Variants in HIVEP2 observed in about 807,000 individuals in gnomAD.
HIVEP2 encodes transcription factor HIVEP2.
Under a neutral mutation model 180.7 loss-of-function variants are expected in HIVEP2, and 14 were observed. The ratio of observed to expected loss-of-function variants is 0.08; its 90% confidence interval spans 0.05 to 0.12. The LOEUF (loss-of-function observed/expected upper bound fraction) is 0.12. Among genes scored for constraint, HIVEP2 ranks in the 10% least tolerant of loss-of-function variants. The pLI is 1.00. For missense variants in HIVEP2, 2,579 were observed against 3,008.5 expected, an observed-to-expected ratio of 0.86 and a Z score of 3.34; for synonymous variants, 1,184 against 1,136.4, an observed-to-expected ratio of 1.04 and a Z score of -0.84.
chr6:142,829,408 A>T (rs1241481384), intron 2 of HIVEP2, among the ~76,000 whole-genome samples: 1 of 152,208 alleles, frequency 6.6e-6, no homozygotes, highest in African/African-American at 2.4e-5. Flanking sequence ...AGCTGTCCTC[A>T]GGAAATACTT....
Position 142,771,568 on chromosome 6 carries a change from G to A in HIVEP2, c.3171C>T (p.Ser1057=). Residue 1057 remains serine, a synonymous_variant, in exon 5 of 10, where the codon TCC becomes TCT. Coordinates refer to ENST00000367603, the MANE Select transcript of HIVEP2 (RefSeq NM_006734.4). The surrounding 1 kb of genome is among the most constrained non-coding windows in gnomAD (Gnocchi z 5.4). ...RSKSFDYGNL[S]HAPVSGAAAS... Reference sequence around the variant, plus strand: ...CTGCTGCTCCCGACACAGGAGCATGGGACAGATTCCCATAATCAAATGATT... The same window carrying A: ...CTGCTGCTCCCGACACAGGAGCATGAGACAGATTCCCATAATCAAATGATT... 6.2e-7 allele frequency: 1 copy of A among 1,614,016 alleles called. No homozygotes were observed. The highest frequency in any genetic ancestry group is 8.5e-7 in the Non-Finnish European group (1 of 1,180,028).
At chr6:142,884,681 G>A (rs1776653474) in intron 1 of HIVEP2, among the ~76,000 whole-genome samples, 1 of 152,108 alleles carries the variant, frequency 6.6e-6, no homozygotes, top group South Asian at 2.1e-4. Context: ...AGAAAGAAAA[G>A]GAGGAGTTAG....
intron 2 of HIVEP2, among the ~76,000 whole-genome samples, chr6:142,821,585 G>A (rs1451191066): frequency 1.3e-5 from 2 of 152,192 alleles, no homozygotes; most frequent in African/African-American, 2.4e-5. Context: ...ATGGCACGAG[G>A]AAGTGAACTC....
chr6:142,768,646 A>T (rs1775435896), intron 5 of HIVEP2, 110 bp from the exon 6 acceptor site: 1 of 1,054,244 alleles, frequency 9.5e-7, no homozygotes, highest in Non-Finnish European at 1.4e-6. Context: ...CTGTACTAAA[A>T]GGCCAGGAAC....
chr6:142,932,228 C>A (rs1396968908), intron 1 of HIVEP2, among the ~76,000 whole-genome samples: 1 of 152,128 alleles, frequency 6.6e-6, no homozygotes, highest in African/African-American at 2.4e-5. Context: ...TATATTCTAT[C>A]TATATTTATA....
intron 3 of HIVEP2, among the ~76,000 whole-genome samples, chr6:142,780,838 A>T (rs1426633024): frequency 6.6e-6 from 1 of 152,138 alleles, no homozygotes; most frequent in East Asian, 1.9e-4. Flanking sequence ...AGATAATGGC[A>T]TTTGTCTTGT....
At chr6:142,883,092 G>T (rs188761589) in intron 1 of HIVEP2, among the ~76,000 whole-genome samples, 3 of 152,100 alleles carry the variant, frequency 2.0e-5, no homozygotes, top group African/African-American at 7.2e-5. Flanking sequence ...CCAAGATTTT[G>T]CTCTAACTTA....
At chr6:142,917,211 G>A (rs989139815) in intron 1 of HIVEP2, among the ~76,000 whole-genome samples, 10 of 152,180 alleles carry the variant, frequency 6.6e-5, no homozygotes, top group African/African-American at 2.4e-4. Flanking sequence ...CGTATGTGAT[G>A]TACTGTTGGT....
intron 1 of HIVEP2, among the ~76,000 whole-genome samples, chr6:142,898,479 T>A (rs1777054116): frequency 6.6e-6 from 1 of 152,052 alleles, no homozygotes; most frequent in African/African-American, 2.4e-5. Flanking sequence ...CTGGCCAACA[T>A]GGCAAAACCC....
chr6:142,794,607 T>C (rs998285452), intron 2 of HIVEP2, among the ~76,000 whole-genome samples: 2 of 152,184 alleles, frequency 1.3e-5, no homozygotes, highest in Admixed American at 1.3e-4. Flanking sequence ...ATGGTCAAAT[T>C]ATATTATCTT....
At chr6:142,831,362 G>A (rs995999241) in intron 2 of HIVEP2, among the ~76,000 whole-genome samples, 1 of 152,106 alleles carries the variant, frequency 6.6e-6, no homozygotes, top group Non-Finnish European at 1.5e-5. Context: ...TGAATTCATG[G>A]AAGTGCCTCC....
chr6:142,895,807 G>C (rs1265369403), intron 1 of HIVEP2, among the ~76,000 whole-genome samples: 1 of 152,144 alleles, frequency 6.6e-6, no homozygotes, highest in East Asian at 1.9e-4. Context: ...GGCCTCCAAA[G>C]ATAATGAATG....
chr6:142,938,932 T>C (rs1032031804), intron 1 of HIVEP2, among the ~76,000 whole-genome samples: 1 of 152,220 alleles, frequency 6.6e-6, no homozygotes, highest in Admixed American at 6.5e-5. Flanking sequence ...TAAAAAGCAG[T>C]ATTCCAGTTA....
intron 1 of HIVEP2, among the ~76,000 whole-genome samples, chr6:142,853,027 C>T (rs746600414): frequency 1.3e-5 from 2 of 152,114 alleles, no homozygotes; most frequent in Non-Finnish European, 2.9e-5. Flanking sequence ...TCTTTTCTTA[C>T]TTTTTCTAGA....
chr6:142,907,892 C>T (rs1777308230), intron 1 of HIVEP2, among the ~76,000 whole-genome samples: 1 of 152,172 alleles, frequency 6.6e-6, no homozygotes, highest in Non-Finnish European at 1.5e-5. Context: ...TTATTTCACC[C>T]CATGTATTTC....
chr6:142,935,794 TGTGAAA>T (rs1290401644), intron 1 of HIVEP2, among the ~76,000 whole-genome samples: 3 of 152,346 alleles, frequency 2.0e-5, no homozygotes, highest in Non-Finnish European at 4.4e-5. Context: ...AGCACACTTT[TGTGAAA>T]GTGAAACCAT....
intron 1 of HIVEP2, among the ~76,000 whole-genome samples, chr6:142,890,516 T>A (rs2128420736): frequency 6.6e-6 from 1 of 152,244 alleles, no homozygotes; most frequent in South Asian, 2.1e-4. Context: ...CAGAATGGAA[T>A]CCCCAGCACA....
intron 1 of HIVEP2, among the ~76,000 whole-genome samples, chr6:142,857,476 T>C (rs1249716684): frequency 6.6e-6 from 1 of 152,236 alleles, no homozygotes; most frequent in Non-Finnish European, 1.5e-5. Context: ...CTGATAATTA[T>C]GCCTGCCTGT....
At chr6:142,847,734 T>C (rs1012621101) in intron 1 of HIVEP2, among the ~76,000 whole-genome samples, 4 of 152,208 alleles carry the variant, frequency 2.6e-5, no homozygotes, top group Non-Finnish European at 5.9e-5. Flanking sequence ...AAAAACAGGA[T>C]GTTTTGTTTG....
Sources: gnomAD v4.1 joint callset for allele counts (sites outside exome capture counted in the v4.1 genomes callset) on GRCh38, gnomAD v4.1.1 for gene constraint, Gnocchi (gnomAD v3.1) non-coding constraint, MANE v1.5 for transcripts, NCBI Gene and HGNC (gene_info 2026-07-23, HGNC 2026-07-21) for gene names.